RUNDC3B: variants seen among roughly 807,000 people sequenced by gnomAD.
RUNDC3B encodes RUN domain-containing protein 3B.
In RUNDC3B, 33 loss-of-function variants were observed where a neutral mutation model predicts 58.4. That is an observed-to-expected ratio of 0.56 (90% CI 0.43 to 0.75). The LOEUF (loss-of-function observed/expected upper bound fraction) is 0.75. Ranked by LOEUF, RUNDC3B falls within the 30% of genes least tolerant of loss-of-function variation. The pLI is 0.00. For synonymous variants in RUNDC3B, 193 were observed against 195.2 expected, an observed-to-expected ratio of 0.99 and a Z score of 0.10; for missense variants, 501 against 535.7, an observed-to-expected ratio of 0.94 and a Z score of 0.64.
intron 2 of RUNDC3B, among the ~76,000 whole-genome samples, chr7:87,678,996 A>C (rs1226998328): frequency 6.6e-6 from 1 of 152,106 alleles, no homozygotes; most frequent in Non-Finnish European, 1.5e-5. Context: ...CACTCCTCTC[A>C]TAATAGTAGA....
At chr7:87,705,642 T>C (rs144183266) in intron 3 of RUNDC3B, among the ~76,000 whole-genome samples, 2 of 152,332 alleles carry the variant, frequency 1.3e-5, no homozygotes, top group East Asian at 3.9e-4. Flanking sequence ...CATGAGACTT[T>C]TATTACATAA....
At chr7:87,703,157 T>C (rs1338305233) in intron 3 of RUNDC3B, among the ~76,000 whole-genome samples, 1 of 152,224 alleles carries the variant, frequency 6.6e-6, no homozygotes, top group Non-Finnish European at 1.5e-5. Context: ...TATAGAATTA[T>C]AAATTATGTG....
chr7:87,707,239 A>C (rs1023915701), intron 3 of RUNDC3B, among the ~76,000 whole-genome samples: 5 of 152,208 alleles, frequency 3.3e-5, no homozygotes. Flanking sequence ...TGAAATCAAG[A>C]AAAATGAAAA....
chr7:87,762,786 A>G (rs1301630435), intron 6 of RUNDC3B, among the ~76,000 whole-genome samples: 1 of 151,622 alleles, frequency 6.6e-6, no homozygotes, highest in Middle Eastern at 3.4e-3. Context: ...TATTAAAAAT[A>G]TACACCAAGA....
chr7:87,688,775 T>G (rs1362915733), intron 2 of RUNDC3B, among the ~76,000 whole-genome samples: 1 of 152,038 alleles, frequency 6.6e-6, no homozygotes, highest in Non-Finnish European at 1.5e-5. Flanking sequence ...ACTTGGTTAC[T>G]TGCTTCTGTT....
intron 6 of RUNDC3B, among the ~76,000 whole-genome samples, chr7:87,770,297 T>C (rs1348219341): frequency 1.3e-5 from 2 of 152,124 alleles, no homozygotes; most frequent in South Asian, 2.1e-4. Flanking sequence ...AAATCTTTTC[T>C]CTCTCTTTTG....
At position 87,832,068 on chromosome 7, in the gene RUNDC3B, T is replaced by C. The variant is rs1302912506; in HGVS notation, c.*2038T>C. On this transcript the variant is annotated 3_prime_UTR_variant, in exon 11 of 11. Transcript: ENST00000394654. ...TTGGTATAAAATTCATCTGCTGTTATAAAATCAGGTTTCTACAGAGTTCGT... is the reference window on the plus strand; with the variant it reads ...TTGGTATAAAATTCATCTGCTGTTACAAAATCAGGTTTCTACAGAGTTCGT... The C allele has an allele frequency of 1.3e-5, 2 of 151,942 alleles. No homozygotes were observed. Among genetic ancestry groups the C allele is most frequent in the Admixed American group, 6.6e-5 (1 of 15,204 alleles). The allele number at this position is 151,942 out of a possible 1,614,324, so 9.4% of individuals were successfully genotyped here.
At chr7:87,733,441 A>G (rs930792648) in intron 4 of RUNDC3B, among the ~76,000 whole-genome samples, 5 of 152,206 alleles carry the variant, frequency 3.3e-5, no homozygotes, top group Non-Finnish European at 5.9e-5. Context: ...AAAGTTTTAC[A>G]CTATTAAGAT....
At chr7:87,630,836 C>G (rs888223601) in intron 1 of RUNDC3B, among the ~76,000 whole-genome samples, 2 of 151,770 alleles carry the variant, frequency 1.3e-5, no homozygotes, top group Non-Finnish European at 2.9e-5. Flanking sequence ...ATCATGTGTG[C>G]CCTTATCAGA....
intron 4 of RUNDC3B, among the ~76,000 whole-genome samples, chr7:87,731,184 A>G (rs1327538025): frequency 6.6e-6 from 1 of 152,168 alleles, no homozygotes; most frequent in Non-Finnish European, 1.5e-5. Context: ...AAAACAATGG[A>G]CATCCACAGG....
At chr7:87,661,182 C>G (rs1824671527) in intron 2 of RUNDC3B, among the ~76,000 whole-genome samples, 1 of 151,718 alleles carries the variant, frequency 6.6e-6, no homozygotes, top group South Asian at 2.1e-4. Flanking sequence ...GATTTTTTTA[C>G]AGGCACACAA....
intron 10 of RUNDC3B, among the ~76,000 whole-genome samples, chr7:87,828,762 A>G (rs148340101): frequency 1.3e-5 from 2 of 152,282 alleles, no homozygotes; most frequent in African/African-American, 4.8e-5. Flanking sequence ...GCTGGGTCGA[A>G]TGGTAATTCT....
chr7:87,725,265 G>A (rs1211196739), intron 4 of RUNDC3B, among the ~76,000 whole-genome samples: 4 of 152,104 alleles, frequency 2.6e-5, no homozygotes, highest in East Asian at 1.9e-4. Context: ...AACAGGCCCC[G>A]GTGTGTGATG....
intron 5 of RUNDC3B, 62 bp downstream of exon 5, chr7:87,739,942 A>T: frequency 1.3e-6 from 1 of 763,130 alleles, no homozygotes; most frequent in Non-Finnish European, 2.1e-6. Context: ...TCTACTTATG[A>T]TTTTTTTCTT....
chr7:87,728,721 T>G (rs1308492617), intron 4 of RUNDC3B, among the ~76,000 whole-genome samples: 2 of 152,226 alleles, frequency 1.3e-5, no homozygotes, highest in Non-Finnish European at 2.9e-5. Context: ...CCTTTTTCAT[T>G]TTCAGTAGCA....
At chr7:87,696,281 G>A (rs1028744603) in intron 2 of RUNDC3B, among the ~76,000 whole-genome samples, 1 of 152,052 alleles carries the variant, frequency 6.6e-6, no homozygotes, top group African/African-American at 2.4e-5. Flanking sequence ...ATTTTTAAAG[G>A]AAGTCAAAGT....
intron 2 of RUNDC3B, among the ~76,000 whole-genome samples, chr7:87,694,388 T>G (rs1437886665): frequency 1.3e-5 from 2 of 152,212 alleles, no homozygotes; most frequent in Non-Finnish European, 2.9e-5. Flanking sequence ...ATTTACTTAT[T>G]CAAACCTTTT....
At chr7:87,757,046 A>G (rs985399433) in intron 6 of RUNDC3B, among the ~76,000 whole-genome samples, 1 of 152,302 alleles carries the variant, frequency 6.6e-6, no homozygotes, top group Middle Eastern at 3.4e-3. Flanking sequence ...AGCATAAAAA[A>G]TTTATGAAGT....
intron 10 of RUNDC3B, among the ~76,000 whole-genome samples, chr7:87,821,877 T>C (rs1323673660): frequency 2.6e-5 from 4 of 152,142 alleles, no homozygotes; most frequent in South Asian, 2.1e-4. Context: ...TTACACCTTA[T>C]ACAAAAATTA....
Sources: allele counts gnomAD v4.1 joint callset (sites outside exome capture counted in the v4.1 genomes callset), GRCh38; gene constraint gnomAD v4.1.1; transcripts MANE v1.5; gene names NCBI Gene and HGNC (gene_info 2026-07-23, HGNC 2026-07-21).